The following STAT4 variants were observed in gnomAD, a reference collection of about 807,000 sequenced individuals.
STAT4 encodes signal transducer and activator of transcription 4.
In STAT4, 42 loss-of-function variants were observed where a neutral mutation model predicts 110.5. The observed-to-expected ratio is 0.38, with a 90% CI of 0.30 to 0.49. STAT4 has a LOEUF of 0.49. Among genes scored for constraint, STAT4 ranks in the 20% least tolerant of loss-of-function variants. STAT4 has a pLI of 0.95. For synonymous variants in STAT4, 284 were observed against 302.2 expected, an observed-to-expected ratio of 0.94 and a Z score of 0.63; for missense variants, 632 against 887.9, an observed-to-expected ratio of 0.71 and a Z score of 3.66.
chr2:191,103,490 T>A (rs754474844), intron 3 of STAT4, among the ~76,000 whole-genome samples: 12 of 152,172 alleles, frequency 7.9e-5, no homozygotes, highest in Non-Finnish European at 2.9e-5. Context: ...AGAGCATGAA[T>A]TCCAGGCACT....
chr2:191,073,677 G>A (rs1160447469), intron 4 of STAT4, among the ~76,000 whole-genome samples: 8 of 144,538 alleles, frequency 5.5e-5, no homozygotes, highest in African/African-American at 1.7e-4. Flanking sequence ...GCGACAGAGC[G>A]AGACTCCGTC....
At chr2:191,127,887 T>C (rs1448265054) in intron 3 of STAT4, among the ~76,000 whole-genome samples, 3 of 152,194 alleles carry the variant, frequency 2.0e-5, no homozygotes, top group Admixed American at 6.5e-5. Flanking sequence ...AAGATCAACC[T>C]AGGATAAAAT....
intron 3 of STAT4, among the ~76,000 whole-genome samples, chr2:191,139,548 G>A (rs1461953388): frequency 6.6e-6 from 1 of 152,050 alleles, no homozygotes; most frequent in Non-Finnish European, 1.5e-5. Flanking sequence ...CCTATCCAAG[G>A]GGGTGAAAGA....
At chr2:191,064,696 T>C in intron 8 of STAT4, 111 bp downstream of exon 8, 1 of 1,329,020 alleles carries the variant, frequency 7.5e-7, no homozygotes, top group Non-Finnish European at 1.0e-6. Context: ...AAGCCATCAA[T>C]AAACTGAATG....
At chr2:191,109,217 A>T (rs1046326623) in intron 3 of STAT4, among the ~76,000 whole-genome samples, 3 of 152,178 alleles carry the variant, frequency 2.0e-5, no homozygotes, top group Middle Eastern at 3.2e-3. Context: ...AGGAAATTCT[A>T]TTCATTTTGA....
In STAT4 at chr2:191,144,349, T is replaced by A. The variant is rs1394299990; in HGVS notation, c.273+2264A>T. Reference sequence around the variant, plus strand: ...CCTACATAGATTCTTTAGGGATGGATGGGAACTAGACTGGTGGAAGAGGGA... The same window carrying A: ...CCTACATAGATTCTTTAGGGATGGAAGGGAACTAGACTGGTGGAAGAGGGA... On this transcript the variant is annotated intron_variant, in intron 3 of 23. Transcript: ENST00000392320. The surrounding 1 kb of genome is among the most constrained non-coding windows in gnomAD (Gnocchi z 4.7). Among the ~76,000 whole-genome samples the A allele has an allele frequency of 6.6e-6, 1 of 152,112 alleles. No individual in the cohort carries two copies. The highest frequency in any genetic ancestry group is 2.4e-5 in the African/African-American group (1 of 41,424).
At chr2:191,103,885 TCAGA>T (rs767236777) in intron 3 of STAT4, among the ~76,000 whole-genome samples, 1 of 152,168 alleles carries the variant, frequency 6.6e-6, no homozygotes, top group Non-Finnish European at 1.5e-5. Flanking sequence ...AGGAAATTGC[TCAGA>T]CAATGGGACA....
At position 191,142,533 on chromosome 2, in the gene STAT4, C is replaced by G. The variant is rs1288136975; in HGVS notation, c.273+4080G>C. Reference sequence around the variant, plus strand: ...TACAGTTAAATAGAAGGATTAAGTTCTAACATTCTATAGCAGGGTTAATAT... The same window carrying G: ...TACAGTTAAATAGAAGGATTAAGTTGTAACATTCTATAGCAGGGTTAATAT... On this transcript the variant is annotated intron_variant, in intron 3 of 23. Transcript: ENST00000392320. The surrounding 1 kb of genome is among the most constrained non-coding windows in gnomAD (Gnocchi z 4.1). 6.6e-6 allele frequency among the ~76,000 whole-genome samples: 1 copy of G among 152,054 alleles called. No individual in the cohort carries two copies. The highest frequency in any genetic ancestry group is 1.5e-5 in the Non-Finnish European group (1 of 68,008).
chr2:191,134,714 A>G (rs1361790510), intron 3 of STAT4, among the ~76,000 whole-genome samples: 1 of 152,246 alleles, frequency 6.6e-6, no homozygotes, highest in African/African-American at 2.4e-5. Context: ...CTAAAAATCA[A>G]AATTATATCA....
rs1698458870 is a variant in STAT4, at chr2:191,112,773, A to G, written c.273+33840T>C. 6.6e-6 allele frequency among the ~76,000 whole-genome samples: 1 copy of G among 152,220 alleles called. No homozygotes were observed. Among genetic ancestry groups the G allele is most frequent in the Non-Finnish European group, 1.5e-5 (1 of 68,032 alleles). On this transcript the variant is annotated intron_variant, in intron 3 of 23. Coordinates refer to ENST00000392320, the MANE Select transcript of STAT4 (RefSeq NM_003151.4). This position sits in a 1 kb window ranked among gnomAD's most constrained non-coding sequence, Gnocchi z 4.3. ...CAAATGGTAGATGTGGAAGCAGAACAATGACGCTCTGTCTTCAAGTCTAGA... is the reference window on the plus strand; with the variant it reads ...CAAATGGTAGATGTGGAAGCAGAACGATGACGCTCTGTCTTCAAGTCTAGA...
chr2:191,067,851 T>C (rs1451341362), intron 6 of STAT4, among the ~76,000 whole-genome samples: 1 of 152,086 alleles, frequency 6.6e-6, no homozygotes, highest in Non-Finnish European at 1.5e-5. Context: ...TCATGAAAAA[T>C]GGGGGCTGGG....
intron 3 of STAT4, among the ~76,000 whole-genome samples, chr2:191,122,290 T>A (rs1698758286): frequency 6.8e-6 from 1 of 147,154 alleles, no homozygotes; most frequent in Admixed American, 6.8e-5. Context: ...AAAATTACAA[T>A]GATTTACCAC....
Position 191,146,590 on chromosome 2 carries a change from G to A in STAT4, c.273+23C>T, listed in dbSNP as rs185607693. ...TAAGACTCATATATCCAAATATTTT[G>A]GAAAAGTAGAATGCATTCTTACCTG... is the stretch of plus-strand genomic sequence containing the variant. On this transcript the variant is annotated intron_variant, in intron 3 of 23. Transcript: ENST00000392320. This position sits in a 1 kb window ranked among gnomAD's most constrained non-coding sequence, Gnocchi z 4.5. The A allele has an allele frequency of 2.1e-6, 3 of 1,448,108 alleles. No homozygotes were observed. Among genetic ancestry groups the A allele is most frequent in the African/African-American group, 1.5e-5 (1 of 68,912 alleles). 89.7% of individuals were successfully genotyped at this position (1,448,108 alleles called of 1,614,324 possible).
intron 13 of STAT4, among the ~76,000 whole-genome samples, chr2:191,056,045 A>G (rs3771327): frequency 0.07 from 10,604 of 152,286 alleles, 438 homozygotes; most frequent in Middle Eastern, 0.12. Flanking sequence ...GAAGGATTAA[A>G]AACAAAACAA....
chr2:191,071,751 T>A (rs1398034800), intron 5 of STAT4, among the ~76,000 whole-genome samples: 1 of 152,208 alleles, frequency 6.6e-6, no homozygotes, highest in Non-Finnish European at 1.5e-5. Context: ...TTGCTTTGCC[T>A]AAAAGTCAGG....
intron 15 of STAT4, among the ~76,000 whole-genome samples, chr2:191,040,393 T>C (rs1025283408): frequency 6.6e-6 from 1 of 152,246 alleles, no homozygotes; most frequent in Non-Finnish European, 1.5e-5. Flanking sequence ...AAAGAAAATA[T>C]ATCACTACAT....
rs567699330 is a variant in STAT4, at chr2:191,076,714, C to T, written c.274-389G>A. ...AGGCTGGAGTGCAATGGTAGAATCT[C>T]AGCTCACCACAACCTCCACCTCCCG... is the stretch of plus-strand genomic sequence containing the variant. On this transcript the variant is annotated intron_variant, in intron 3 of 23. Coordinates refer to ENST00000392320, the MANE Select transcript of STAT4 (RefSeq NM_003151.4). 9.4e-5 allele frequency among the ~76,000 whole-genome samples: 14 copies of T among 149,326 alleles called. No individual in the cohort carries two copies. The South Asian group carries it at 1.7e-3, about 18-fold the overall frequency.
rs1192703372 is a variant in STAT4 at position 191,039,553 on chromosome 2, T to G, written c.1336-256A>C. On this transcript the variant is annotated intron_variant, in intron 15 of 23. Transcript: ENST00000392320. The surrounding 1 kb of genome is among the most constrained non-coding windows in gnomAD (Gnocchi z 4.7). ...TCAGGCAGCTTCCCAGTATCTCCCCTGACATTGCGGACACATTTATACTTT... is the reference window on the plus strand; with the variant it reads ...TCAGGCAGCTTCCCAGTATCTCCCCGGACATTGCGGACACATTTATACTTT... Among the ~76,000 whole-genome samples the G allele has an allele frequency of 4.6e-5, 7 of 152,224 alleles. No individual in the cohort carries two copies. The highest frequency in any genetic ancestry group is 1.0e-4 in the Non-Finnish European group (7 of 68,034).
chr2:191,119,009 T>A (rs954628931), intron 3 of STAT4, among the ~76,000 whole-genome samples: 20 of 152,120 alleles, frequency 1.3e-4, no homozygotes, highest in African/African-American at 4.1e-4. Context: ...CAAGTAATCC[T>A]CCTATCTTGG....
Sources: gnomAD v4.1 joint callset for allele counts (sites outside exome capture counted in the v4.1 genomes callset) on GRCh38, gnomAD v4.1.1 for gene constraint, Gnocchi (gnomAD v3.1) non-coding constraint, MANE v1.5 for transcripts, NCBI Gene and HGNC (gene_info 2026-07-23, HGNC 2026-07-21) for gene names.